The following OR2L13 variants were observed in gnomAD, a reference collection of about 807,000 sequenced individuals.
The protein encoded by OR2L13 is olfactory receptor family 2 subfamily L member 13, also known as olfactory receptor 2L13.
OR2L13 carries 14 observed loss-of-function variants against 15.3 expected under a neutral mutation model. That is an observed-to-expected ratio of 0.91 (90% CI 0.60 to 1.43). The LOEUF (loss-of-function observed/expected upper bound fraction) is 1.43. Among genes scored for constraint, OR2L13 ranks in the 40% most tolerant of loss-of-function variants. The pLI, the probability that OR2L13 is intolerant of heterozygous loss-of-function variation, is 0.00. For synonymous variants in OR2L13, 152 were observed against 142.9 expected, an observed-to-expected ratio of 1.06 and a Z score of -0.45; for missense variants, 367 against 387.9, an observed-to-expected ratio of 0.95 and a Z score of 0.45.
At chr1:247,984,502 T>C in the OR2L13 span, among the ~76,000 whole-genome samples, 1 of 152,164 alleles carries the variant, frequency 6.6e-6, no homozygotes, top group South Asian at 2.1e-4. Flanking sequence ...ATAAATTACA[T>C]ACTATTGCAT....
At chr1:247,982,018 T>A in the OR2L13 span, among the ~76,000 whole-genome samples, 1 of 152,120 alleles carries the variant, frequency 6.6e-6, no homozygotes, top group African/African-American at 2.4e-5. Flanking sequence ...GGTTTCACCG[T>A]GTTAGCCAGG....
At chr1:248,010,784 T>A in the OR2L13 span, among the ~76,000 whole-genome samples, 10 of 142,386 alleles carry the variant, frequency 7.0e-5, no homozygotes, top group East Asian at 2.0e-4. Context: ...TTTTTTTTTT[T>A]TTTGCTTTCC....
At chr1:248,061,302 G>T in the OR2L13 span, 1 of 1,612,830 alleles carries the variant, frequency 6.2e-7, no homozygotes, top group East Asian at 2.2e-5. Flanking sequence ...TCTTTCTCGT[G>T]TTTCCCTTCA....
the OR2L13 span, among the ~76,000 whole-genome samples, chr1:247,993,102 G>T: frequency 6.6e-6 from 1 of 152,028 alleles, no homozygotes; most frequent in Non-Finnish European, 1.5e-5. Context: ...TTGTGGCTCT[G>T]ATTTGCATTT....
At chr1:248,038,257 A>G in the OR2L13 span, 28 of 1,568,070 alleles carry the variant, frequency 1.8e-5, no homozygotes, top group Non-Finnish European at 2.4e-5. Flanking sequence ...GATGGATTGT[A>G]GGAATTCCCC....
chr1:248,000,113 T>C, the OR2L13 span, among the ~76,000 whole-genome samples: 34 of 146,140 alleles, frequency 2.3e-4, no homozygotes, highest in South Asian at 4.4e-3. Flanking sequence ...TTCTTTCTTT[T>C]TTTTTTTTTG....
the OR2L13 span, among the ~76,000 whole-genome samples, chr1:248,007,852 A>G: frequency 6.6e-6 from 1 of 152,194 alleles, no homozygotes; most frequent in Non-Finnish European, 1.5e-5. Context: ...GGAAAAGGAC[A>G]TGAGTACTCT....
chr1:248,017,229 G>A, the OR2L13 span, among the ~76,000 whole-genome samples: 652 of 152,202 alleles, frequency 4.3e-3, 3 homozygotes, highest in Non-Finnish European at 7.6e-3. Flanking sequence ...TAATTCTGTG[G>A]ATAAAAAATT....
At chr1:248,086,658 C>T in the OR2L13 span, among the ~76,000 whole-genome samples, 1 of 151,872 alleles carries the variant, frequency 6.6e-6, no homozygotes, top group Non-Finnish European at 1.5e-5. Context: ...ATATTTATCT[C>T]TCATTTAAAG....
the OR2L13 span, chr1:248,038,395 C>G: frequency 1.2e-6 from 2 of 1,613,550 alleles, no homozygotes; most frequent in Non-Finnish European, 1.7e-6. Flanking sequence ...GGAAATCTAT[C>G]CATGATTCTT....
upstream of OR2L13, among the ~76,000 whole-genome samples, chr1:248,092,413 T>C (rs1028325119): frequency 1.3e-5 from 2 of 152,154 alleles, no homozygotes; most frequent in African/African-American, 4.8e-5. Context: ...AAATCTGCAA[T>C]TAAAGTTGGA....
chr1:248,044,664 G>T, the OR2L13 span, among the ~76,000 whole-genome samples: 2 of 117,782 alleles, frequency 1.7e-5, no homozygotes, highest in Non-Finnish European at 3.1e-5. Flanking sequence ...TTAGCCGGGC[G>T]CGGTGGCGGG....
the OR2L13 span, among the ~76,000 whole-genome samples, chr1:248,011,880 C>T: frequency 3.3e-5 from 5 of 152,086 alleles, no homozygotes; most frequent in Admixed American, 2.0e-4. Flanking sequence ...ACCACTGTGT[C>T]CTGCTCTTTT....
At chr1:247,949,129 T>C in the OR2L13 span, 1 of 1,614,030 alleles carries the variant, frequency 6.2e-7, no homozygotes, top group Non-Finnish European at 8.5e-7. Context: ...AACAAGTCTA[T>C]CTCCTTCACT....
the OR2L13 span, among the ~76,000 whole-genome samples, chr1:248,085,530 C>T: frequency 6.9e-6 from 1 of 145,528 alleles, no homozygotes; most frequent in Non-Finnish European, 1.5e-5. Flanking sequence ...GTAGGTGTAC[C>T]ACTGCTAGTA....
At chr1:248,046,973 A>G in the OR2L13 span, 1 of 152,208 alleles carries the variant, frequency 6.6e-6, no homozygotes, top group African/African-American at 2.4e-5. Flanking sequence ...CAGAAATAGA[A>G]TTGAGGTGAA....
At chr1:247,950,187 G>T in the OR2L13 span, among the ~76,000 whole-genome samples, 3 of 151,706 alleles carry the variant, frequency 2.0e-5, no homozygotes, top group African/African-American at 4.8e-5. Flanking sequence ...AAAATCTCTT[G>T]ACTTGGTGGA....
At chr1:248,009,366 C>T in the OR2L13 span, among the ~76,000 whole-genome samples, 5 of 151,782 alleles carry the variant, frequency 3.3e-5, no homozygotes, top group East Asian at 1.9e-4. Flanking sequence ...ACAGAAACAC[C>T]GACTATCATC....
chr1:247,947,145 G>T, the OR2L13 span, among the ~76,000 whole-genome samples: 15 of 152,158 alleles, frequency 9.9e-5, no homozygotes, highest in Admixed American at 6.6e-4. Context: ...GTTTTCAAAA[G>T]TTCTTTAATG....
Sources: gnomAD v4.1 joint callset for allele counts (sites outside exome capture counted in the v4.1 genomes callset) on GRCh38, gnomAD v4.1.1 for gene constraint, MANE v1.5 for transcripts, NCBI Gene and HGNC (gene_info 2026-07-23, HGNC 2026-07-21) for gene names.